Variants in ABCB5 observed in about 807,000 individuals in gnomAD.
ABCB5 encodes ATP-binding cassette sub-family B member 5.
Under a neutral mutation model 144.2 loss-of-function variants are expected in ABCB5, and 155 were observed. The ratio of observed to expected loss-of-function variants is 1.08; its 90% CI spans 0.94 to 1.23. The LOEUF (loss-of-function observed/expected upper bound fraction) is 1.23. Ranked by LOEUF, ABCB5 falls within the 50% of genes most tolerant of loss-of-function variation. The probability of loss-of-function intolerance (pLI) is 0.00; values close to 1 mark genes in which losing one functional copy is unlikely to be tolerated. For synonymous variants in ABCB5, 610 were observed against 528.6 expected, an observed-to-expected ratio of 1.15 and a Z score of -2.11; for missense variants, 1,830 against 1,520.8, an observed-to-expected ratio of 1.20 and a Z score of -3.38.
chr7:20,755,339 G>A, intron 27 of ABCB5, 88 bp from the exon 28 acceptor site: 1 of 1,163,494 alleles, frequency 8.6e-7, no homozygotes, highest in Non-Finnish European at 1.2e-6. Flanking sequence ...AGCAAAGAAG[G>A]TTATTAGACT....
chr7:20,628,576 A>T, intron 3 of ABCB5, 112 bp from the exon 4 acceptor site: 1 of 1,057,190 alleles, frequency 9.5e-7, no homozygotes, highest in Non-Finnish European at 1.3e-6. Context: ...CTTAATGTAT[A>T]AAGTCATGTT....
chr7:20,659,930 C>T, intron 14 of ABCB5: 1 of 972,780 alleles, frequency 1.0e-6, no homozygotes, highest in Non-Finnish European at 1.2e-6. Flanking sequence ...GTGATCCGCC[C>T]ACCTCGGCCT....
At position 20,681,002 on chromosome 7, in the gene ABCB5, CTTTCTTTCTT is replaced by C. The variant is rs1195834638; in HGVS notation, c.1708-501_1708-492del. 4.0e-3 allele frequency among the ~76,000 whole-genome samples: 175 copies of C among 43,836 alleles called. 6 individuals are homozygous for C. Among genetic ancestry groups the C allele is most frequent in the African/African-American group, 0.012 (134 of 11,610 alleles). The allele number at this position is 43,836 out of a possible 152,430, so 28.8% of individuals were successfully genotyped here. On this transcript the variant is annotated intron_variant, in intron 14 of 27. Transcript: ENST00000404938. ...TCTTTCTTTCTTTCTTTCTTTCTTT[CTTTCTTTCTT>C]TCTTTCTTTCTTTCTTTCTTTCTCT...
chr7:20,755,287 T>C, intron 27 of ABCB5, 140 bp from the exon 28 acceptor site: 1 of 676,970 alleles, frequency 1.5e-6, no homozygotes, highest in Non-Finnish European at 2.5e-6. Context: ...GTAAGGTGAT[T>C]ATTTTACAAG....
In ABCB5 at chr7:20,643,408, GT is replaced by G; in HGVS notation, c.506+37del. ...GATGATATTGTAGTACGTTAGCTTTGTTTTCATATGTGACATGTAAATGACC... is the reference window on the plus strand; with the variant it reads ...GATGATATTGTAGTACGTTAGCTTTGTTTCATATGTGACATGTAAATGACC... On this transcript the variant is annotated intron_variant, in intron 6 of 27. Coordinates refer to ENST00000404938, the MANE Select transcript of ABCB5 (RefSeq NM_001163941.2). The G allele has an allele frequency of 2.5e-6, 4 of 1,613,232 alleles. No individual in the cohort carries two copies. In the South Asian group the frequency reaches 4.4e-5, roughly 18 times the overall value.
At chr7:20,666,730 G>C (rs376055235) in intron 14 of ABCB5, 4 of 1,594,812 alleles carry the variant, frequency 2.5e-6, no homozygotes, top group Non-Finnish European at 3.4e-6. Flanking sequence ...GGAGATACTA[G>C]GAAATTCTTT....
chr7:20,697,841 A>G (rs1289946792), intron 16 of ABCB5, among the ~76,000 whole-genome samples: 1 of 152,226 alleles, frequency 6.6e-6, no homozygotes, highest in Non-Finnish European at 1.5e-5. Context: ...TGGAAAAATG[A>G]GGAGACAGTC....
At chr7:20,745,560 A>G (rs1433640576) in intron 26 of ABCB5, 122 bp downstream of exon 26, 8 of 967,250 alleles carry the variant, frequency 8.3e-6, no homozygotes, top group Non-Finnish European at 1.2e-5. Flanking sequence ...GCCAGAATCT[A>G]AAGTTAGATG....
intron 9 of ABCB5, 135 bp downstream of exon 9, chr7:20,646,273 T>C: frequency 1.2e-6 from 1 of 861,002 alleles, no homozygotes; most frequent in East Asian, 2.6e-5. Context: ...CCTCAAATTA[T>C]CTGTATACAC....
intron 26 of ABCB5, among the ~76,000 whole-genome samples, chr7:20,750,931 C>T (rs971161280): frequency 6.6e-6 from 1 of 152,132 alleles, no homozygotes; most frequent in African/African-American, 2.4e-5. Context: ...AGACACACAC[C>T]AGGTGTGGTT....
chr7:20,705,795 G>A (rs17218839), intron 20 of ABCB5, among the ~76,000 whole-genome samples: 35,077 of 150,608 alleles, frequency 0.23, 4,402 homozygotes, highest in Non-Finnish European at 0.28. Flanking sequence ...TATGGCAACC[G>A]TTCTAAGTTG....
intron 5 of ABCB5, among the ~76,000 whole-genome samples, chr7:20,633,845 T>A (rs1020965668): frequency 3.3e-5 from 5 of 152,122 alleles, no homozygotes; most frequent in Admixed American, 2.6e-4. Context: ...CTGTCCAATA[T>A]TTTAGCCATG....
At chr7:20,722,875 C>T in intron 20 of ABCB5, 141 bp from the exon 21 acceptor site, 1 of 616,140 alleles carries the variant, frequency 1.6e-6, no homozygotes, top group Non-Finnish European at 2.7e-6. Flanking sequence ...TATTTAATCT[C>T]AAAGTATAAA....
At chr7:20,623,501 G>A (rs1163112166) in intron 2 of ABCB5, among the ~76,000 whole-genome samples, 163 bp downstream of exon 2, 1 of 152,082 alleles carries the variant, frequency 6.6e-6, no homozygotes, top group Non-Finnish European at 1.5e-5. Flanking sequence ...TAATTTAATA[G>A]TGATTTTAGG....
intron 16 of ABCB5, among the ~76,000 whole-genome samples, chr7:20,694,639 T>C (rs1169999080): frequency 1.3e-5 from 2 of 151,964 alleles, no homozygotes; most frequent in Non-Finnish European, 2.9e-5. Context: ...GAAAGGAACA[T>C]GTAGGAGTGT....
chr7:20,727,429 C>T (rs147032042), intron 22 of ABCB5, among the ~76,000 whole-genome samples: 1,867 of 152,184 alleles, frequency 0.012, 17 homozygotes, highest in Non-Finnish European at 0.018. Context: ...AAATAACATA[C>T]GCAAGAAAGA....
chr7:20,675,388 T>C (rs1442244231), intron 14 of ABCB5, among the ~76,000 whole-genome samples: 1 of 151,728 alleles, frequency 6.6e-6, no homozygotes, highest in East Asian at 1.9e-4. Flanking sequence ...GAGTACACAA[T>C]GGGGAAAGGA....
intron 5 of ABCB5, among the ~76,000 whole-genome samples, chr7:20,637,400 T>G (rs1159772960): frequency 1.3e-5 from 2 of 151,398 alleles, no homozygotes; most frequent in African/African-American, 4.9e-5. Context: ...CCTCTTTTGC[T>G]GCCAAAAGTT....
At chr7:20,728,508 C>T (rs1782110593) in intron 23 of ABCB5, 53 bp downstream of exon 23, 1 of 1,584,020 alleles carries the variant, frequency 6.3e-7, no homozygotes, top group Non-Finnish European at 8.6e-7. Context: ...AATTCCAACA[C>T]TTTGAGAGGC....
Sources: gnomAD v4.1 joint callset for allele counts (sites outside exome capture counted in the v4.1 genomes callset) on GRCh38, gnomAD v4.1.1 for gene constraint, MANE v1.5 for transcripts, NCBI Gene and HGNC (gene_info 2026-07-23, HGNC 2026-07-21) for gene names.